Variants in EIF2AK4 observed in about 807,000 individuals in gnomAD.
EIF2AK4 encodes the protein eukaryotic translation initiation factor 2 alpha kinase 4.
In EIF2AK4, 139 loss-of-function variants were observed where a neutral mutation model predicts 211.1. That is an observed-to-expected ratio of 0.66 (90% confidence interval 0.57 to 0.76). EIF2AK4 has a LOEUF of 0.76. EIF2AK4 is among the 30% of genes least tolerant of loss of function. The pLI is 0.00. For missense variants in EIF2AK4, 1,664 were observed against 2,043.8 expected (o/e 0.81, Z 3.58); for synonymous variants, 710 against 751.3 (o/e 0.94, Z 0.90).
chr15:40,022,803 G>A (rs977128910), intron 32 of EIF2AK4, among the ~76,000 whole-genome samples, 198 bp downstream of exon 32: 12 of 151,780 alleles, frequency 7.9e-5, no homozygotes, highest in African/African-American at 2.9e-4. Flanking sequence ...ACGCAATCTC[G>A]GCTCACTGCA....
At chr15:39,996,457 C>A (rs962212131) in intron 18 of EIF2AK4, among the ~76,000 whole-genome samples, 2 of 152,326 alleles carry the variant, frequency 1.3e-5, no homozygotes, top group Non-Finnish European at 2.9e-5. Flanking sequence ...GTAATCCCAG[C>A]ACTTTAGGAG....
intron 19 of EIF2AK4, among the ~76,000 whole-genome samples, 185 bp downstream of exon 19, chr15:39,997,250 T>C (rs2035030397): frequency 6.6e-6 from 1 of 152,206 alleles, no homozygotes; most frequent in Admixed American, 6.5e-5. Flanking sequence ...AGTGAAACAT[T>C]TTTCTGAGCA....
intron 20 of EIF2AK4, among the ~76,000 whole-genome samples, chr15:40,000,088 T>G (rs566143803): frequency 4.6e-5 from 7 of 152,192 alleles, no homozygotes; most frequent in Non-Finnish European, 8.8e-5. Context: ...CATAGCATAA[T>G]TTTTTGCCAT....
chr15:39,935,641 C>T (rs2034054495), intron 1 of EIF2AK4, among the ~76,000 whole-genome samples: 1 of 152,106 alleles, frequency 6.6e-6, no homozygotes, highest in South Asian at 2.1e-4. Flanking sequence ...TCTTCATCTG[C>T]TTTTAACTTT....
intron 18 of EIF2AK4, among the ~76,000 whole-genome samples, chr15:39,995,939 C>T (rs940971063): frequency 1.3e-5 from 2 of 152,160 alleles, no homozygotes; most frequent in Non-Finnish European, 2.9e-5. Context: ...AGTCACCATG[C>T]CGTGCTTTAG....
intron 13 of EIF2AK4, among the ~76,000 whole-genome samples, chr15:39,982,892 T>C (rs542061574): frequency 2.5e-4 from 38 of 152,260 alleles, no homozygotes; most frequent in Non-Finnish European, 4.8e-4. Context: ...TTTTTATGGC[T>C]GCATAGTATT....
At chr15:39,939,399 A>T (rs1478873689) in intron 1 of EIF2AK4, 106 bp from the exon 2 acceptor site, 2 of 584,806 alleles carry the variant, frequency 3.4e-6, no homozygotes, top group Non-Finnish European at 5.4e-6. Flanking sequence ...ATATAATTAC[A>T]AATATTTTTA....
chr15:39,935,353 T>G (rs1429002444), intron 1 of EIF2AK4, among the ~76,000 whole-genome samples: 2 of 152,076 alleles, frequency 1.3e-5, no homozygotes, highest in Non-Finnish European at 2.9e-5. Context: ...TTTTTTTTCT[T>G]TTTGAGACAG....
At chr15:39,942,212 G>C (rs1017477019) in intron 2 of EIF2AK4, among the ~76,000 whole-genome samples, 5 of 152,236 alleles carry the variant, frequency 3.3e-5, no homozygotes, top group African/African-American at 9.6e-5. Flanking sequence ...GAATAGTCCT[G>C]GGTGCCACTG....
Position 39,934,180 on chromosome 15 carries a change from T to C in EIF2AK4, c.-16T>C. 6.7e-7 allele frequency: 1 copy of C among 1,501,114 alleles called. No individual in the cohort carries two copies. The highest frequency in any genetic ancestry group is 8.9e-7 in the Non-Finnish European group (1 of 1,126,760). 93.0% of individuals were successfully genotyped at this position (1,501,114 alleles called of 1,614,324 possible). A position where few individuals can be genotyped will look rare whatever the true frequency, so the allele number is the denominator to read the frequency against. On this transcript the variant is annotated 5_prime_UTR_variant, in exon 1 of 39. Coordinates refer to ENST00000263791, the MANE Select transcript of EIF2AK4 (RefSeq NM_001013703.4). ...CCGCCCAGGCAAGGCCGCCCTGCCT[T>C]GGGCGCAGCGCTGCCATGGCTGGGG...
intron 37 of EIF2AK4, among the ~76,000 whole-genome samples, chr15:40,033,109 C>T (rs1177063124): frequency 6.6e-6 from 1 of 152,170 alleles, no homozygotes; most frequent in Non-Finnish European, 1.5e-5. Flanking sequence ...AAGCATTTTA[C>T]AAGTAGTAAC....
Position 39,990,296 on chromosome 15 carries a change from G to A in EIF2AK4, c.2550G>A (p.Lys850=). 1 of 1,614,196 alleles carries A rather than the reference G, an allele frequency of 6.2e-7. No individual in the cohort carries two copies. Among genetic ancestry groups the A allele is most frequent in the South Asian group, 1.1e-5 (1 of 91,088 alleles). ...AGGGAATGATTCACCGGGATTTGAAGCCTGTCAACATTTTTTTGGATTCTG... is the reference window on the plus strand; with the variant it reads ...AGGGAATGATTCACCGGGATTTGAAACCTGTCAACATTTTTTTGGATTCTG... ...HEKGMIHRDL[K]PVNIFLDSDD... Residue 850 remains lysine (K), a synonymous_variant, in exon 16 of 39, where the codon AAG becomes AAA. Transcript: ENST00000263791.
At chr15:39,971,236 C>T (rs902771269) in intron 9 of EIF2AK4, among the ~76,000 whole-genome samples, 5 of 151,910 alleles carry the variant, frequency 3.3e-5, no homozygotes, top group African/African-American at 1.2e-4. Context: ...TTAAGTATTC[C>T]AGCACAGCAG....
chr15:39,999,813 A>G (rs1363500248), intron 20 of EIF2AK4, among the ~76,000 whole-genome samples: 1 of 152,192 alleles, frequency 6.6e-6, no homozygotes, highest in Non-Finnish European at 1.5e-5. Context: ...CATTCATTTC[A>G]TAGCCTTTCC....
intron 14 of EIF2AK4, 51 bp from the exon 15 acceptor site, chr15:39,987,932 T>G (rs1401153505): frequency 6.3e-7 from 1 of 1,599,816 alleles, no homozygotes. Flanking sequence ...GTTATACTCC[T>G]TCACTTAAAA....
chr15:39,992,069 T>C (rs2034951322), intron 16 of EIF2AK4, 106 bp from the exon 17 acceptor site: 1 of 1,058,570 alleles, frequency 9.4e-7, no homozygotes, highest in Non-Finnish European at 1.4e-6. Flanking sequence ...TATATTATTT[T>C]GATTTCCATG....
chr15:40,028,675 A>G (rs771808708), intron 33 of EIF2AK4, among the ~76,000 whole-genome samples: 1 of 152,208 alleles, frequency 6.6e-6, no homozygotes, highest in Non-Finnish European at 1.5e-5. Context: ...GCCTTAATAA[A>G]TTCACCATTA....
At chr15:39,984,736 C>T (rs977297395) in intron 13 of EIF2AK4, among the ~76,000 whole-genome samples, 32 of 152,296 alleles carry the variant, frequency 2.1e-4, no homozygotes, top group African/African-American at 7.0e-4. Flanking sequence ...TGCTTATCAG[C>T]TTAAGGAGTT....
At chr15:39,992,054 G>A (rs373057978) in intron 16 of EIF2AK4, 121 bp from the exon 17 acceptor site, 28 of 937,582 alleles carry the variant, frequency 3.0e-5, no homozygotes, top group South Asian at 2.8e-4. Context: ...AACTCAAAGC[G>A]TTATTATATT....
Sources: gnomAD v4.1 joint callset for allele counts (sites outside exome capture counted in the v4.1 genomes callset) on GRCh38, gnomAD v4.1.1 for gene constraint, MANE v1.5 for transcripts, NCBI Gene and HGNC (gene_info 2026-07-23, HGNC 2026-07-21) for gene names.